DNAH5: variants seen among roughly 807,000 people sequenced by gnomAD.
DNAH5 encodes the protein axonemal beta dynein heavy chain 5.
Under a neutral mutation model 518.2 loss-of-function variants are expected in DNAH5, and 372 were observed. The observed-to-expected ratio is 0.72, with a 90% CI of 0.66 to 0.78. The LOEUF (loss-of-function observed/expected upper bound fraction) is 0.78. DNAH5 is among the 30% of genes least tolerant of loss of function. DNAH5 has a pLI of 0.00. For missense variants in DNAH5, 5,523 were observed against 5,687.0 expected (o/e 0.97, Z 0.93); for synonymous variants, 2,039 against 2,025.9 (o/e 1.01, Z -0.17).
intron 1 of DNAH5, among the ~76,000 whole-genome samples, chr5:13,942,667 C>T (rs970830570): frequency 6.6e-5 from 10 of 152,106 alleles, no homozygotes; most frequent in Non-Finnish European, 1.5e-4. Context: ...ATCCCCCTGG[C>T]CTTTCTTCAG....
chr5:13,919,875 T>C (rs1021042648), intron 6 of DNAH5, among the ~76,000 whole-genome samples: 1 of 152,252 alleles, frequency 6.6e-6, no homozygotes, highest in East Asian at 1.9e-4. Context: ...AACCTAACAG[T>C]TTGAAATATA....
rs1744462506 is a variant in DNAH5 at position 13,717,476 on chromosome 5, T to G, written c.12544A>C (p.Lys4182Gln). The change falls in exon 73 of 79, where the codon AAG becomes CAG. Residue 4182 changes from lysine to glutamine, a missense_variant. This residue lies in a region of DNAH5 where 5,121 missense variants were observed against 5,223.3 expected (regional missense o/e 0.98). Coordinates refer to ENST00000265104, the MANE Select transcript of DNAH5 (RefSeq NM_001369.3). ...AAAGCCACTGCGTACAGCATGGGCTTCCACTGGGACCCAGAGCTCACGTCC... is the reference window on the plus strand; with the variant it reads ...AAAGCCACTGCGTACAGCATGGGCTGCCACTGGGACCCAGAGCTCACGTCC... ...LLDVSSGSQWKPMLYAVAFLH... is the reference protein window; with the variant it reads ...LLDVSSGSQWQPMLYAVAFLH... The G allele has an allele frequency of 1.9e-6, 3 of 1,614,162 alleles. No individual in the cohort carries two copies. Among genetic ancestry groups the G allele is most frequent in the Non-Finnish European group, 2.5e-6 (3 of 1,180,010 alleles).
chr5:13,789,527 A>C (rs980635749), intron 50 of DNAH5, among the ~76,000 whole-genome samples: 3 of 152,226 alleles, frequency 2.0e-5, no homozygotes, highest in African/African-American at 7.2e-5. Context: ...TTATTATTTG[A>C]TATGAAAGAC....
chr5:13,902,410 C>T (rs575358335), intron 12 of DNAH5, among the ~76,000 whole-genome samples: 7 of 152,144 alleles, frequency 4.6e-5, no homozygotes, highest in East Asian at 3.9e-4. Flanking sequence ...GGGGCCTTAT[C>T]GCAATATGGG....
At chr5:13,751,512 C>T (rs1401121071) in intron 64 of DNAH5, among the ~76,000 whole-genome samples, 1 of 152,048 alleles carries the variant, frequency 6.6e-6, no homozygotes, top group African/African-American at 2.4e-5. Context: ...GAATTTAACA[C>T]CAAAATTGTT....
At chr5:13,979,104 C>T (rs529987472) in intron 1 of DNAH5, among the ~76,000 whole-genome samples, 21 of 152,114 alleles carry the variant, frequency 1.4e-4, no homozygotes, top group South Asian at 1.0e-3. Context: ...AGTCTCTCCT[C>T]GTGACTCCCT....
intron 22 of DNAH5, among the ~76,000 whole-genome samples, chr5:13,875,543 C>G (rs1386854979): frequency 1.3e-5 from 2 of 148,838 alleles, no homozygotes; most frequent in Non-Finnish European, 3.0e-5. Flanking sequence ...ATTTCTTCCT[C>G]TTAGATTTTC....
chr5:13,713,468 C>CACACCTATATATATATATATATATATAT (rs1743889324), intron 75 of DNAH5, among the ~76,000 whole-genome samples: 1 of 81,448 alleles, frequency 1.2e-5, no homozygotes, highest in Non-Finnish European at 2.2e-5. Flanking sequence ...TATATATATA[C>CACACCTATATATATATATATATATATAT]ACACACCGAT....
chr5:13,697,655 C>A (rs1208761639), intron 78 of DNAH5, among the ~76,000 whole-genome samples: 2 of 152,172 alleles, frequency 1.3e-5, no homozygotes, highest in Non-Finnish European at 2.9e-5. Context: ...ACCTGAAGAA[C>A]CTCCTTCATG....
intron 12 of DNAH5, among the ~76,000 whole-genome samples, chr5:13,903,403 A>G (rs1774917886): frequency 6.6e-6 from 1 of 152,052 alleles, no homozygotes; most frequent in Admixed American, 6.5e-5. Context: ...AGAACCTAAG[A>G]TATTTAAAAT....
At chr5:13,912,480 T>TAC (rs70964517) in intron 11 of DNAH5, among the ~76,000 whole-genome samples, 59,100 of 148,944 alleles carry the variant, frequency 0.4, 11,963 homozygotes, top group East Asian at 0.76. Context: ...ATAAAATATA[T>TAC]ACACACACAC....
At chr5:13,877,855 A>G (rs1771105787) in intron 21 of DNAH5, among the ~76,000 whole-genome samples, 1 of 152,150 alleles carries the variant, frequency 6.6e-6, no homozygotes, top group Non-Finnish European at 1.5e-5. Flanking sequence ...GGACCACAAG[A>G]AAAAAGTGAT....
At chr5:13,862,524 G>A in intron 29 of DNAH5, 24 bp downstream of exon 29, 3 of 1,610,370 alleles carry the variant, frequency 1.9e-6, no homozygotes, top group Non-Finnish European at 2.5e-6. Context: ...CAAATCTAAG[G>A]GAAAAGATAG....
intron 47 of DNAH5, among the ~76,000 whole-genome samples, chr5:13,805,514 C>T (rs1295133737): frequency 1.3e-5 from 2 of 151,838 alleles, no homozygotes; most frequent in Non-Finnish European, 2.9e-5. Context: ...ATAAAAAGAT[C>T]TGAGTCTCGT....
At chr5:13,953,784 T>C (rs1780585487) in intron 1 of DNAH5, among the ~76,000 whole-genome samples, 1 of 152,182 alleles carries the variant, frequency 6.6e-6, no homozygotes, top group African/African-American at 2.4e-5. Flanking sequence ...CTCGGCTTGA[T>C]GCAACCTCTG....
chr5:13,844,566 T>TGTG (rs1174094154), intron 32 of DNAH5, among the ~76,000 whole-genome samples: 2 of 152,222 alleles, frequency 1.3e-5, no homozygotes, highest in Non-Finnish European at 2.9e-5. Context: ...TTCTTACTAG[T>TGTG]TAACTTGGTG....
At chr5:13,968,961 T>C (rs1459437119) in intron 1 of DNAH5, among the ~76,000 whole-genome samples, 1 of 152,156 alleles carries the variant, frequency 6.6e-6, no homozygotes, top group Non-Finnish European at 1.5e-5. Flanking sequence ...AATTTTTTTG[T>C]TGGCAATTTT....
At chr5:13,796,933 A>G (rs1159819975) in intron 47 of DNAH5, among the ~76,000 whole-genome samples, 2 of 152,236 alleles carry the variant, frequency 1.3e-5, no homozygotes, top group Non-Finnish European at 2.9e-5. Flanking sequence ...CAAACCTGAG[A>G]AAAACAAGAA....
At chr5:13,876,585 G>GA in intron 22 of DNAH5, 99 bp downstream of exon 22, 8 of 1,420,304 alleles carry the variant, frequency 5.6e-6, no homozygotes, top group Non-Finnish European at 7.7e-6. Context: ...CACAGTGTGT[G>GA]AGACCCAGGC....
Sources: gnomAD v4.1 joint callset for allele counts (sites outside exome capture counted in the v4.1 genomes callset) on GRCh38, gnomAD v4.1.1 for gene constraint, gnomAD v4.1.1 regional missense constraint, MANE v1.5 for transcripts, NCBI Gene and HGNC (gene_info 2026-07-23, HGNC 2026-07-21) for gene names.